The following ZNF469 variants were observed in gnomAD, a reference collection of about 807,000 sequenced individuals.
The protein encoded by ZNF469 is zinc finger protein 469.
ZNF469 carries 1 observed loss-of-function variant against 1.0 expected under a neutral mutation model. That is an observed-to-expected ratio of 1.00 (90% CI 0.35 to 4.73). The LOEUF is 4.73. Among genes scored for constraint, ZNF469 ranks in the 30% most tolerant of loss-of-function variants. The probability of loss-of-function intolerance (pLI) is 0.16; values close to 1 mark genes in which losing one functional copy is unlikely to be tolerated. For synonymous variants in ZNF469, 2,703 were observed against 2,363.4 expected, an observed-to-expected ratio of 1.14 and a Z score of -4.17; for missense variants, 6,100 against 5,356.3, an observed-to-expected ratio of 1.14 and a Z score of -4.33.
the ZNF469 span, among the ~76,000 whole-genome samples, chr16:88,155,612 C>T: frequency 1.3e-5 from 2 of 152,246 alleles, no homozygotes. Flanking sequence ...CGTTCTCCAT[C>T]TATGTTGCAG....
In ZNF469 at chr16:88,435,153, TC is replaced by T; in HGVS notation, c.7684del (p.Leu2562SerfsTer22). ...CGCCTGCCCAGGGCTCAAAGGAGGT[TC>T]TCAGAGCACCGGGGTCCCCACACAG... Reference protein sequence around the residue: ...PPPAQGSKEVLRAPGSPHSQQ... With the variant: ...PPPAQGSKEVXRAPGSPHSQQ... On this transcript the variant is annotated frameshift_variant, in exon 3 of 3. Transcript: ENST00000565624. LOFTEE classifies it low-confidence loss of function (END_TRUNC). 1.9e-6 allele frequency: 3 copies of T among 1,550,280 alleles called. No homozygotes were observed. The highest frequency in any genetic ancestry group is 2.6e-6 in the Non-Finnish European group (3 of 1,146,960).
chr16:88,390,187 A>G (rs1904445462), intron 1 of ZNF469, among the ~76,000 whole-genome samples: 1 of 152,166 alleles, frequency 6.6e-6, no homozygotes, highest in African/African-American at 2.4e-5. Flanking sequence ...GGGCTCACGG[A>G]GGTCAGGTGG....
the ZNF469 span, among the ~76,000 whole-genome samples, chr16:88,343,812 A>T: frequency 6.6e-6 from 1 of 152,164 alleles, no homozygotes; most frequent in Non-Finnish European, 1.5e-5. Flanking sequence ...ACCTCTCAAG[A>T]CTGCCACAAT....
At position 88,433,791 on chromosome 16, in the gene ZNF469, C is replaced by T. The variant is rs767048513; in HGVS notation, c.6321C>T (p.Val2107=). The part of the protein sequence containing the change: ...LATGDSPAPS[V]GDLAACAPSP... Reference sequence around the variant, plus strand: ...CAGGGGATAGCCCAGCACCCTCTGTCGGGGACCTGGCCGCCTGCGCCCCCT... The same window carrying T: ...CAGGGGATAGCCCAGCACCCTCTGTTGGGGACCTGGCCGCCTGCGCCCCCT... The change falls in exon 3 of 3, where the codon GTC becomes GTT. Residue 2107 remains valine, a synonymous_variant. Coordinates refer to ENST00000565624, the MANE Select transcript of ZNF469 (RefSeq NM_001367624.2). 45 of 1,549,554 alleles carry T rather than the reference C, an allele frequency of 2.9e-5. No individual in the cohort carries two copies. In the South Asian group the frequency reaches 3.8e-4, roughly 13 times the overall value.
the ZNF469 span, among the ~76,000 whole-genome samples, chr16:88,272,507 CA>C: frequency 6.9e-6 from 1 of 143,986 alleles, no homozygotes; most frequent in African/African-American, 2.6e-5. Flanking sequence ...GATGAATGAA[CA>C]GGGGGGTGTA....
the ZNF469 span, among the ~76,000 whole-genome samples, chr16:88,248,836 G>A: frequency 2.0e-5 from 3 of 152,178 alleles, no homozygotes; most frequent in Non-Finnish European, 2.9e-5. Context: ...GTCGGGCTGA[G>A]GCAGGTGCCC....
chr16:88,412,505 G>T (rs1412734511), intron 1 of ZNF469, among the ~76,000 whole-genome samples: 1 of 152,232 alleles, frequency 6.6e-6, no homozygotes, highest in East Asian at 1.9e-4. Flanking sequence ...TCCAATGGCG[G>T]TTCCAGAAAC....
the ZNF469 span, among the ~76,000 whole-genome samples, chr16:88,292,640 C>T: frequency 6.6e-6 from 1 of 151,806 alleles, no homozygotes; most frequent in East Asian, 1.9e-4. Context: ...GTGATGGTGG[C>T]CAGCCAGGCC....
At chr16:88,107,787 C>A in the ZNF469 span, among the ~76,000 whole-genome samples, 1 of 152,262 alleles carries the variant, frequency 6.6e-6, no homozygotes, top group Non-Finnish European at 1.5e-5. Flanking sequence ...GCAGACGCTG[C>A]AGAAGCAGGA....
chr16:88,157,917 G>A, the ZNF469 span, among the ~76,000 whole-genome samples: 7 of 152,016 alleles, frequency 4.6e-5, no homozygotes, highest in African/African-American at 1.2e-4. Context: ...TGGGGTTCAC[G>A]GGCCCCTCAT....
chr16:88,369,871 C>T, the ZNF469 span, among the ~76,000 whole-genome samples: 1 of 152,236 alleles, frequency 6.6e-6, no homozygotes, highest in Non-Finnish European at 1.5e-5. Flanking sequence ...CCGTCCCCAC[C>T]GCGCCCTCAG....
intron 1 of ZNF469, among the ~76,000 whole-genome samples, chr16:88,407,080 C>T (rs1463919249): frequency 2.2e-5 from 3 of 138,446 alleles, no homozygotes; most frequent in African/African-American, 5.6e-5. Flanking sequence ...CTGTGACCGC[C>T]GCACCTGGGC....
chr16:88,179,478 C>A, the ZNF469 span, among the ~76,000 whole-genome samples: 1 of 152,212 alleles, frequency 6.6e-6, no homozygotes, highest in African/African-American at 2.4e-5. Flanking sequence ...CTTGTACAGC[C>A]TGCAGAACTG....
At position 88,431,882 on chromosome 16, in the gene ZNF469, G is replaced by T; in HGVS notation, c.4412G>T (p.Ser1471Ile). Residue 1471 changes from serine to isoleucine, a missense_variant, in exon 3 of 3, where the codon AGC (serine) becomes ATC (isoleucine). Coordinates refer to ENST00000565624, the MANE Select transcript of ZNF469 (RefSeq NM_001367624.2). ...VDRFDPPLYG[S>I]LSANRDSGLP... ...AGATTCGACCCACCCCTCTATGGCA[G>T]CCTGTCTGCGAACAGGGACTCCGGT... is the stretch of plus-strand genomic sequence containing the variant. 1 of 1,550,028 alleles carries T rather than the reference G, an allele frequency of 6.5e-7. No homozygotes were observed. The highest frequency in any genetic ancestry group is 8.7e-7 in the Non-Finnish European group (1 of 1,146,848).
the ZNF469 span, among the ~76,000 whole-genome samples, chr16:88,228,228 A>T: frequency 6.6e-5 from 10 of 152,240 alleles, no homozygotes; most frequent in South Asian, 2.1e-3. Flanking sequence ...GAGCAGGGGG[A>T]CCCTGCCTCG....
the ZNF469 span, among the ~76,000 whole-genome samples, chr16:88,326,204 G>C: frequency 1.3e-5 from 2 of 152,326 alleles, no homozygotes; most frequent in South Asian, 4.1e-4. Context: ...AATTACGGGG[G>C]TGGCTCTTTC....
Position 88,435,195 on chromosome 16 carries a change from T to C in ZNF469, c.7725T>C (p.Pro2575=), listed in dbSNP as rs1906483711. 2 of 1,549,998 alleles carry C rather than the reference T, an allele frequency of 1.3e-6. No individual in the cohort carries two copies. The highest frequency in any genetic ancestry group is 1.4e-5 in the African/African-American group (1 of 72,952). ...PGSPHSQQLH[P]PSPTEHEVDV... ...CCCCACACAGCCAGCAGCTGCACCC[T>C]CCAAGCCCTACTGAGCATGAGGTAG... The change falls in exon 3 of 3, where the codon CCT becomes CCC. Residue 2575 remains proline (P), a synonymous_variant. Transcript: ENST00000565624.
At chr16:88,232,109 A>G in the ZNF469 span, among the ~76,000 whole-genome samples, 1 of 152,156 alleles carries the variant, frequency 6.6e-6, no homozygotes, top group African/African-American at 2.4e-5. Context: ...GACCTCGACC[A>G]CGCAAAGGCT....
chr16:88,147,647 G>A, the ZNF469 span, among the ~76,000 whole-genome samples: 23 of 152,214 alleles, frequency 1.5e-4, no homozygotes, highest in African/African-American at 5.5e-4. Context: ...TGTGCTCACG[G>A]GACGCTGTGC....
Sources: allele counts gnomAD v4.1 joint callset (sites outside exome capture counted in the v4.1 genomes callset), GRCh38; gene constraint gnomAD v4.1.1; transcripts MANE v1.5; gene names NCBI Gene and HGNC (gene_info 2026-07-23, HGNC 2026-07-21).